NUDCD3: variants seen among roughly 807,000 people sequenced by gnomAD.
NUDCD3 encodes NudC domain containing 3.
A neutral mutation model predicts 39.7 loss-of-function variants in NUDCD3; 13 were observed. The observed-to-expected ratio is 0.33, with a 90% confidence interval of 0.21 to 0.52. The LOEUF (loss-of-function observed/expected upper bound fraction) is 0.52. Ranked by LOEUF, NUDCD3 falls within the 20% of genes least tolerant of loss-of-function variation. NUDCD3 has a pLI of 0.96. For missense variants in NUDCD3, 453 were observed against 458.1 expected (o/e 0.99, Z 0.10); for synonymous variants, 175 against 172.4 (o/e 1.02, Z -0.12).
Position 44,383,193 on chromosome 7 carries a change from C to T in NUDCD3, c.*2818G>A, listed in dbSNP as rs1319145024. The T allele has an allele frequency of 1.3e-5, 2 of 152,228 alleles. No homozygotes were observed. Among genetic ancestry groups the T allele is most frequent in the Non-Finnish European group, 1.5e-5 (1 of 68,048 alleles). 9.4% of individuals were successfully genotyped at this position (152,228 alleles called of 1,614,324 possible). On this transcript the variant is annotated 3_prime_UTR_variant, in exon 6 of 6. Coordinates refer to ENST00000355451, the MANE Select transcript of NUDCD3 (RefSeq NM_015332.4). The stretch of plus-strand genomic sequence containing the variant: ...GTTATGTCCTGGAGGAAGCCCATTG[C>T]GAGGGCTCAGCAAAGTTAACAGCAG...
intron 2 of NUDCD3, among the ~76,000 whole-genome samples, chr7:44,455,592 T>C (rs553783781): frequency 2.4e-4 from 36 of 152,200 alleles, no homozygotes; most frequent in African/African-American, 6.3e-4. Flanking sequence ...TGAGTATGCA[T>C]TGGGAGTGTG....
intron 2 of NUDCD3, among the ~76,000 whole-genome samples, chr7:44,442,650 G>A (rs1172671242): frequency 6.6e-6 from 1 of 150,492 alleles, no homozygotes; most frequent in African/African-American, 2.4e-5. Flanking sequence ...TAACAAAATT[G>A]AACTTCCTCC....
At chr7:44,428,123 TAAAAAAAAAAAAAAA>T (rs55642004) in intron 2 of NUDCD3, among the ~76,000 whole-genome samples, 1 of 76,102 alleles carries the variant, frequency 1.3e-5, no homozygotes, top group African/African-American at 5.2e-5. Context: ...GGTCAATCTT[TAAAAAAAAAAAAAAA>T]AAAAAAAAAA....
At chr7:44,484,050 C>G (rs1162513140) in intron 2 of NUDCD3, among the ~76,000 whole-genome samples, 1 of 152,166 alleles carries the variant, frequency 6.6e-6, no homozygotes, top group Non-Finnish European at 1.5e-5. Flanking sequence ...TCCCCCAAAA[C>G]ACGTCAGAAA....
intron 5 of NUDCD3, among the ~76,000 whole-genome samples, chr7:44,389,865 T>G (rs145625064): frequency 1.3e-5 from 2 of 152,134 alleles, no homozygotes; most frequent in African/African-American, 4.8e-5. Flanking sequence ...GGGGCAAGGA[T>G]GTAGAGAAGA....
chr7:44,389,551 C>T (rs1211129029), intron 5 of NUDCD3, among the ~76,000 whole-genome samples: 1 of 152,178 alleles, frequency 6.6e-6, no homozygotes, highest in African/African-American at 2.4e-5. Flanking sequence ...GGCCTTAGGC[C>T]TCCAGAAATG....
rs529270695 is a variant in NUDCD3 at position 44,453,081 on chromosome 7, G to A, written c.510-25378C>T. 4.6e-5 allele frequency among the ~76,000 whole-genome samples: 7 copies of A among 152,294 alleles called. No homozygotes were observed. The East Asian group carries it at 5.8e-4, about 13-fold the overall frequency. On this transcript the variant is annotated intron_variant, in intron 2 of 5. Coordinates refer to ENST00000355451, the MANE Select transcript of NUDCD3 (RefSeq NM_015332.4). ...AAAATAAACAATGTTGGCCGGGTGC[G>A]GTGGCTCACGCCTGTAATCCCAGCA...
rs983831479 is a variant in NUDCD3, at chr7:44,384,914, TG to T, written c.*1096del. The T allele has an allele frequency of 2.0e-4, 31 of 152,360 alleles. No homozygotes were observed. The highest frequency in any genetic ancestry group is 7.5e-4 in the African/African-American group (31 of 41,548). The allele number at this position is 152,360 out of a possible 1,614,324, so 9.4% of individuals were successfully genotyped here. A position where few individuals can be genotyped will look rare whatever the true frequency, so the allele number is the denominator to read the frequency against. On this transcript the variant is annotated 3_prime_UTR_variant, in exon 6 of 6. Transcript: ENST00000355451. The stretch of plus-strand genomic sequence containing the variant: ...GCAGCCATGGCTCAGGGCATAGGCT[TG>T]GGGGTCCTGAGGCAGTGACCAGTCC...
intron 4 of NUDCD3, among the ~76,000 whole-genome samples, chr7:44,395,238 A>C (rs901684165): frequency 6.6e-6 from 1 of 152,240 alleles, no homozygotes; most frequent in Non-Finnish European, 1.5e-5. Context: ...CCACCTGTCA[A>C]GTGTTTACTC....
In NUDCD3 at chr7:44,404,556, T is replaced by C; in HGVS notation, c.670A>G (p.Ile224Val). The change falls in exon 4 of 6, where the codon ATT becomes GTT. Residue 224 changes from isoleucine (I) to valine (V), a missense_variant. Transcript: ENST00000355451. ...TTTTCCTCCAGCATGGCCACACGAA[T>C]GGAGCTGCTGCTAAGGGCCACTGAG... ...QVSVALSSSSIRVAMLEENGE... is the reference protein window; with the variant it reads ...QVSVALSSSSVRVAMLEENGE... 6.2e-7 allele frequency: 1 copy of C among 1,613,920 alleles called. No homozygotes were observed. Among genetic ancestry groups the C allele is most frequent in the East Asian group, 2.2e-5 (1 of 44,862 alleles).
At chr7:44,419,601 C>G (rs1799098306) in intron 3 of NUDCD3, among the ~76,000 whole-genome samples, 1 of 152,140 alleles carries the variant, frequency 6.6e-6, no homozygotes, top group African/African-American at 2.4e-5. Context: ...CAAAAGAGCT[C>G]CAGCTGGCAT....
rs891072918 is a variant in NUDCD3, at chr7:44,483,328, C to CA, written c.509+1639dup. ...TAAAATGTTTGAAGAAAAACAAAAA[C>CA]AAAAAAAAAGTGTCAACCTGCAATT... is the stretch of plus-strand genomic sequence containing the variant. On this transcript the variant is annotated intron_variant, in intron 2 of 5. Coordinates refer to ENST00000355451, the MANE Select transcript of NUDCD3 (RefSeq NM_015332.4). Among the ~76,000 whole-genome samples, 20 of 149,476 alleles carry CA rather than the reference C, an allele frequency of 1.3e-4. No individual in the cohort carries two copies. In the East Asian group the frequency reaches 1.6e-3, roughly 12 times the overall value.
At chr7:44,460,902 A>G (rs1799995854) in intron 2 of NUDCD3, among the ~76,000 whole-genome samples, 1 of 152,242 alleles carries the variant, frequency 6.6e-6, no homozygotes. Flanking sequence ...AATCTGCATT[A>G]AAGGATTTTA....
Position 44,392,288 on chromosome 7 carries a change from T to G in NUDCD3, c.975+9A>C, listed in dbSNP as rs1410475624. 4.3e-6 allele frequency: 7 copies of G among 1,613,064 alleles called. No individual in the cohort carries two copies. The highest frequency in any genetic ancestry group is 5.1e-6 in the Non-Finnish European group (6 of 1,179,424). On this transcript the variant is annotated intron_variant, in intron 5 of 5. Coordinates refer to ENST00000355451, the MANE Select transcript of NUDCD3 (RefSeq NM_015332.4). ...AAGGGTGGACTCTCCAGGACTGCCA[T>G]GCTCGTACCAGCTCATGGCTCTGTG... is the stretch of plus-strand genomic sequence containing the variant.
At position 44,435,023 on chromosome 7, in the gene NUDCD3, G is replaced by A. The variant is rs116474947; in HGVS notation, c.510-7320C>T. On this transcript the variant is annotated intron_variant, in intron 2 of 5. Coordinates refer to ENST00000355451, the MANE Select transcript of NUDCD3 (RefSeq NM_015332.4). ...CACTGAGCAGCTTTTATGACTATGG[G>A]ATGATTCTTGAACCCTCTGAGACAT... Among the ~76,000 whole-genome samples the A allele has an allele frequency of 4.1e-3, 617 of 152,312 alleles. 3 individuals carry two copies. The highest frequency in any genetic ancestry group is 0.014 in the African/African-American group (586 of 41,556).
rs917232609 is a variant in NUDCD3, at chr7:44,382,677, A to G, written c.*3334T>C. 5.9e-5 allele frequency: 9 copies of G among 152,298 alleles called. No individual in the cohort carries two copies. Among genetic ancestry groups the G allele is most frequent in the African/African-American group, 2.2e-4 (9 of 41,432 alleles). 9.4% of individuals were successfully genotyped at this position (152,298 alleles called of 1,614,324 possible). ...CCACCAAGGAGGGAGTTTCTCAAGGACTGGCCAGGTTCTGTGCTGACAACT... is the reference window on the plus strand; with the variant it reads ...CCACCAAGGAGGGAGTTTCTCAAGGGCTGGCCAGGTTCTGTGCTGACAACT... On this transcript the variant is annotated 3_prime_UTR_variant, in exon 6 of 6. Coordinates refer to ENST00000355451, the MANE Select transcript of NUDCD3 (RefSeq NM_015332.4).
chr7:44,482,027 A>C (rs1399620680), intron 2 of NUDCD3, among the ~76,000 whole-genome samples: 2 of 152,218 alleles, frequency 1.3e-5, no homozygotes, highest in African/African-American at 4.8e-5. Flanking sequence ...GTAGTCTATA[A>C]GCCACCCAGG....
At position 44,481,448 on chromosome 7, in the gene NUDCD3, C is replaced by T. The variant is rs557909826; in HGVS notation, c.509+3520G>A. 7 of 152,320 alleles carry T rather than the reference C, an allele frequency of 4.6e-5. No homozygotes were observed. In the East Asian group the frequency reaches 1.3e-3, roughly 29 times the overall value. The allele number at this position is 152,320 out of a possible 1,614,324, so 9.4% of individuals were successfully genotyped here. ...TCAGGCTTTCAGCTGATAGATCAGG[C>T]CCACTCAGATCACCTAGGACAATCA... is the stretch of plus-strand genomic sequence containing the variant. On this transcript the variant is annotated intron_variant, in intron 2 of 5. Coordinates refer to ENST00000355451, the MANE Select transcript of NUDCD3 (RefSeq NM_015332.4).
chr7:44,390,116 G>A (rs1311605629), intron 5 of NUDCD3, among the ~76,000 whole-genome samples: 5 of 152,190 alleles, frequency 3.3e-5, no homozygotes, highest in Non-Finnish European at 7.3e-5. Context: ...TGTAATACCA[G>A]CACTTTGGGA....
Sources: allele counts gnomAD v4.1 joint callset (sites outside exome capture counted in the v4.1 genomes callset), GRCh38; gene constraint gnomAD v4.1.1; transcripts MANE v1.5; gene names NCBI Gene and HGNC (gene_info 2026-07-23, HGNC 2026-07-21).